The following USP25 variants were observed in gnomAD, a reference collection of about 807,000 sequenced individuals.
The protein encoded by USP25 is ubiquitin specific peptidase 25.
A neutral mutation model predicts 158.5 loss-of-function variants in USP25; 85 were observed. The observed-to-expected ratio is 0.54, with a 90% confidence interval of 0.45 to 0.64. The LOEUF (loss-of-function observed/expected upper bound fraction) is 0.64. Ranked by LOEUF, USP25 falls within the 30% of genes least tolerant of loss-of-function variation. The pLI is 0.00. For synonymous variants in USP25, 464 were observed against 460.4 expected (o/e 1.01, Z -0.10); for missense variants, 1,242 against 1,327.3 (o/e 0.94, Z 1.00).
chr21:15,864,160 A>G, intron 20 of USP25, 108 bp from the exon 21 acceptor site: 1 of 691,026 alleles, frequency 1.4e-6, no homozygotes. Context: ...TTAAAAGCCA[A>G]AAAAAAAAAA....
chr21:15,865,144 A>G (rs1004814579), intron 21 of USP25, among the ~76,000 whole-genome samples: 4 of 152,124 alleles, frequency 2.6e-5, no homozygotes, highest in Non-Finnish European at 5.9e-5. Context: ...GTAGTTTTAT[A>G]AAGAATTATT....
chr21:15,854,992 G>A (rs1383533539), intron 20 of USP25, among the ~76,000 whole-genome samples: 1 of 152,122 alleles, frequency 6.6e-6, no homozygotes, highest in African/African-American at 2.4e-5. Context: ...TCAGAGGAAA[G>A]CAATACAAAG....
intron 17 of USP25, among the ~76,000 whole-genome samples, chr21:15,834,459 A>G (rs996752912): frequency 9.9e-5 from 15 of 151,732 alleles, no homozygotes; most frequent in Non-Finnish European, 8.8e-5. Context: ...CAAGATCTGC[A>G]TGTTTTGTGT....
rs535798406 is a variant in USP25 at position 15,841,358 on chromosome 21, C to T, written c.2195-1040C>T. 5.3e-5 allele frequency among the ~76,000 whole-genome samples: 8 copies of T among 152,270 alleles called. No homozygotes were observed. The South Asian group carries it at 1.7e-3, about 32-fold the overall frequency. ...CACCGATCTCTAGTTTTACTTTCCT[C>T]TCTAATTCGTTCTTCACAATATCCC... On this transcript the variant is annotated intron_variant, in intron 17 of 25. Coordinates refer to ENST00000400183, the MANE Select transcript of USP25 (RefSeq NM_001283041.3).
intron 23 of USP25, among the ~76,000 whole-genome samples, chr21:15,873,655 G>A (rs111872489): frequency 0.029 from 4,422 of 151,846 alleles, 107 homozygotes; most frequent in Non-Finnish European, 0.041. Context: ...CACCATGCCC[G>A]GCTAATCTTG....
chr21:15,805,753 TAAAC>T (rs2036351596), intron 7 of USP25: 1 of 152,086 alleles, frequency 6.6e-6, no homozygotes. Flanking sequence ...AAAATATCTA[TAAAC>T]AAACCAGTAT....
chr21:15,849,255 T>C (rs979309317), intron 19 of USP25, among the ~76,000 whole-genome samples: 1 of 152,202 alleles, frequency 6.6e-6, no homozygotes, highest in Non-Finnish European at 1.5e-5. Flanking sequence ...TTAAAATTTA[T>C]TGCAGTGACA....
intron 3 of USP25, among the ~76,000 whole-genome samples, 166 bp from the exon 4 acceptor site, chr21:15,777,738 A>T (rs1012632479): frequency 6.6e-6 from 1 of 152,168 alleles, no homozygotes. Flanking sequence ...ACTGAGTATG[A>T]CCAGTTAAAA....
chr21:15,874,939 G>T (rs896433581), intron 24 of USP25, among the ~76,000 whole-genome samples: 2 of 152,132 alleles, frequency 1.3e-5, no homozygotes, highest in African/African-American at 4.8e-5. Flanking sequence ...GGCTGAGGCT[G>T]GTGGATCACA....
chr21:15,856,438 A>C lies in USP25; in HGVS notation c.2547+6566A>C, dbSNP rs1006417003. Among the ~76,000 whole-genome samples, 3 of 152,118 alleles carry C rather than the reference A, an allele frequency of 2.0e-5. No homozygotes were observed. In the East Asian group the frequency reaches 5.8e-4, roughly 29 times the overall value. On this transcript the variant is annotated intron_variant, in intron 20 of 25. Transcript: ENST00000400183. ...ATTCAGGCATTCATCCTGTATTTAT[A>C]ATTTAAATAAAAGTAGGAGTATACT...
Position 15,846,135 on chromosome 21 carries a change from TATATATATATATATATATATA to T in USP25, c.2338-1527_2338-1507del, listed in dbSNP as rs1319860684. On this transcript the variant is annotated intron_variant, in intron 18 of 25. Coordinates refer to ENST00000400183, the MANE Select transcript of USP25 (RefSeq NM_001283041.3). The stretch of plus-strand genomic sequence containing the variant: ...GTGTGTGTGTGTGTATATATATATA[TATATATATATATATATATATA>T]TATTTTTTTTTTTTTTTTTTTTTTG... 4.7e-4 allele frequency among the ~76,000 whole-genome samples: 23 copies of T among 48,452 alleles called. No homozygotes were observed. The South Asian group carries it at 8.7e-3, about 18-fold the overall frequency. 31.8% of individuals were successfully genotyped at this position (48,452 alleles called of 152,430 possible). A position where few individuals can be genotyped will look rare whatever the true frequency, so the allele number is the denominator to read the frequency against.
chr21:15,768,089 C>T (rs1052071940), intron 3 of USP25, among the ~76,000 whole-genome samples: 3 of 151,978 alleles, frequency 2.0e-5, no homozygotes, highest in Non-Finnish European at 4.4e-5. Flanking sequence ...AAAATATTCA[C>T]GAGGTAATTT....
chr21:15,814,320 T>C lies in USP25; in HGVS notation c.931+3110T>C, dbSNP rs190908605. 3.8e-4 allele frequency among the ~76,000 whole-genome samples: 58 copies of C among 151,788 alleles called. No homozygotes were observed. The East Asian group carries it at 0.011, about 29-fold the overall frequency. On this transcript the variant is annotated intron_variant, in intron 9 of 25. Coordinates refer to ENST00000400183, the MANE Select transcript of USP25 (RefSeq NM_001283041.3). ...CTTGCCTATGTCTTTATTAGCAGCT[T>C]GAGAATGGACTAATACAGTAAATTG...
intron 1 of USP25, among the ~76,000 whole-genome samples, chr21:15,742,629 C>G (rs1216157672): frequency 6.6e-6 from 1 of 152,108 alleles, no homozygotes; most frequent in African/African-American, 2.4e-5. Context: ...CTGGGCAGAG[C>G]TGAGGATGAG....
intron 9 of USP25, among the ~76,000 whole-genome samples, chr21:15,814,376 A>G (rs2036828785): frequency 6.6e-6 from 1 of 152,022 alleles, no homozygotes; most frequent in Admixed American, 6.5e-5. Flanking sequence ...TGGTGAAAAG[A>G]TACCTGAAAA....
chr21:15,867,873 G>T (rs537789900), intron 22 of USP25, among the ~76,000 whole-genome samples: 3 of 152,014 alleles, frequency 2.0e-5, no homozygotes, highest in Admixed American at 2.0e-4. Flanking sequence ...AAATAAATGG[G>T]CATACATATG....
At chr21:15,733,844 A>T (rs1378027197) in intron 1 of USP25, among the ~76,000 whole-genome samples, 1 of 152,190 alleles carries the variant, frequency 6.6e-6, no homozygotes, top group East Asian at 1.9e-4. Flanking sequence ...TCCATGTCAA[A>T]AAAACAAAAA....
At chr21:15,735,523 T>G (rs73355477) in intron 1 of USP25, among the ~76,000 whole-genome samples, 4,975 of 152,298 alleles carry the variant, frequency 0.033, 269 homozygotes, top group African/African-American at 0.11. Flanking sequence ...GATTTTGGCC[T>G]CTGGGGGTCC....
intron 9 of USP25, among the ~76,000 whole-genome samples, chr21:15,811,718 C>A (rs1409566510): frequency 2.6e-5 from 4 of 152,128 alleles, no homozygotes; most frequent in Admixed American, 2.6e-4. Flanking sequence ...TGATACTACT[C>A]CATTTAAGCT....
Sources: gnomAD v4.1 joint callset for allele counts (sites outside exome capture counted in the v4.1 genomes callset) on GRCh38, gnomAD v4.1.1 for gene constraint, MANE v1.5 for transcripts, NCBI Gene and HGNC (gene_info 2026-07-23, HGNC 2026-07-21) for gene names.